Variants in GRIN2D observed in about 807,000 individuals in gnomAD.
GRIN2D encodes glutamate receptor ionotropic, NMDA 2D.
Under a neutral mutation model 103.2 loss-of-function variants are expected in GRIN2D, and 37 were observed. The observed-to-expected ratio is 0.36, with a 90% CI of 0.28 to 0.47. The LOEUF is 0.47. Among genes scored for constraint, GRIN2D ranks in the 20% least tolerant of loss-of-function variants. The pLI, the probability that GRIN2D is intolerant of heterozygous loss-of-function variation, is 1.00. For synonymous variants in GRIN2D, 845 were observed against 885.6 expected (o/e 0.95, Z 0.81); for missense variants, 1,557 against 1,910.6 (o/e 0.81, Z 3.45).
In GRIN2D at chr19:48,441,890, G is replaced by T. The variant is rs751472843; in HGVS notation, c.2374G>T (p.Ala792Ser). ...KVFATTGYGI[A>S]LHKGSRWKRP... is the part of the protein sequence containing the mutation. ...CTTCGCCACGACAGGCTATGGCATC[G>T]CCCTGCACAAGGGCTCCCGCTGGAA... Residue 792 changes from alanine to serine, a missense_variant, in exon 12 of 14, where the codon GCC becomes TCC. Transcript: ENST00000263269. 1 of 1,613,268 alleles carries T rather than the reference G, an allele frequency of 6.2e-7. No individual in the cohort carries two copies. The highest frequency in any genetic ancestry group is 1.1e-5 in the South Asian group (1 of 91,088).
rs548594116 is a variant in GRIN2D, at chr19:48,441,811, C to T, written c.2295C>T (p.Tyr765=). The change falls in exon 12 of 14, where the codon TAC becomes TAT. Residue 765 remains tyrosine, a synonymous_variant. Transcript: ENST00000263269. The stretch of plus-strand genomic sequence containing the variant: ...TCTACGATGCTGCAGTGCTCAATTA[C>T]ATGGCCCGCAAGGACGAGGGCTGCA... ...AFIYDAAVLN[Y]MARKDEGCKL... is the part of the protein sequence containing the mutation. The T allele has an allele frequency of 1.2e-6, 2 of 1,614,004 alleles. No individual in the cohort carries two copies. The highest frequency in any genetic ancestry group is 2.7e-5 in the African/African-American group (2 of 75,074).
At chr19:48,423,631 C>T (rs1310715654) in intron 11 of GRIN2D, among the ~76,000 whole-genome samples, 1 of 151,706 alleles carries the variant, frequency 6.6e-6, no homozygotes, top group Admixed American at 6.6e-5. Flanking sequence ...GAGGAAGGTG[C>T]AGTGTTGGTT....
At chr19:48,423,570 C>CT (rs550788643) in intron 11 of GRIN2D, among the ~76,000 whole-genome samples, 9 of 152,104 alleles carry the variant, frequency 5.9e-5, no homozygotes, top group African/African-American at 1.9e-4. Context: ...GCCAGGTGGA[C>CT]TTCCGGAAGC....
Position 48,395,737 on chromosome 19 carries a change from T to TG in GRIN2D, c.-27+808dup, listed in dbSNP as rs548565107. On this transcript the variant is annotated intron_variant, in intron 2 of 13. Transcript: ENST00000263269. The stretch of plus-strand genomic sequence containing the variant: ...GGTGACTAGGGAGGCCAGAGCTCGG[T>TG]GGGGGGGCACCCAGGATGTTGGGAA... 1.4e-3 allele frequency among the ~76,000 whole-genome samples: 216 copies of TG among 151,426 alleles called. 1 individual carries two copies. The highest frequency in any genetic ancestry group is 3.4e-3 in the Middle Eastern group (1 of 294).
chr19:48,415,425 A>G lies in GRIN2D; in HGVS notation c.1581+393A>G, dbSNP rs538877714. ...CACCCTGGGGCAGGGGCGCGGCCAAATTGAGGAAACACCTGATTGGGGCCT... is the reference window on the plus strand; with the variant it reads ...CACCCTGGGGCAGGGGCGCGGCCAAGTTGAGGAAACACCTGATTGGGGCCT... On this transcript the variant is annotated intron_variant, in intron 7 of 13. Coordinates refer to ENST00000263269, the MANE Select transcript of GRIN2D (RefSeq NM_000836.4). 1.1e-3 allele frequency among the ~76,000 whole-genome samples: 153 copies of G among 145,046 alleles called. 1 individual carries two copies. Among genetic ancestry groups the G allele is most frequent in the Middle Eastern group, 7.1e-3 (2 of 280 alleles).
At chr19:48,437,114 TTTTTGTTTTG>T (rs960581332) in intron 11 of GRIN2D, among the ~76,000 whole-genome samples, 3 of 152,096 alleles carry the variant, frequency 2.0e-5, no homozygotes, top group Non-Finnish European at 2.9e-5. Context: ...GGCTGAGGTC[TTTTTGTTTTG>T]TTTTGTTTTG....
At chr19:48,420,451 C>G (rs1971008527) in intron 10 of GRIN2D, among the ~76,000 whole-genome samples, 1 of 152,052 alleles carries the variant, frequency 6.6e-6, no homozygotes, top group African/African-American at 2.4e-5. Flanking sequence ...ACTGCTAGTC[C>G]ATTGCAGACA....
In GRIN2D at chr19:48,429,461, G is replaced by A. The variant is rs184921797; in HGVS notation, c.2252+7516G>A. Among the ~76,000 whole-genome samples the A allele has an allele frequency of 7.1e-4, 108 of 152,106 alleles. 1 individual carries two copies. The highest frequency in any genetic ancestry group is 2.3e-3 in the African/African-American group (97 of 41,488). ...GTCACCCAGGCTGGAGTGCAGTGGC[G>A]TGATCTTGGCTCACTGCAACCTCTG... On this transcript the variant is annotated intron_variant, in intron 11 of 13. Transcript: ENST00000263269.
intron 11 of GRIN2D, among the ~76,000 whole-genome samples, chr19:48,433,083 G>T (rs1228223202): frequency 7.5e-6 from 1 of 132,532 alleles, no homozygotes; most frequent in Non-Finnish European, 1.6e-5. Flanking sequence ...GACACCACCT[G>T]CAATACAGGT....
chr19:48,423,880 G>A (rs1365261831), intron 11 of GRIN2D, among the ~76,000 whole-genome samples: 5 of 151,542 alleles, frequency 3.3e-5, no homozygotes, highest in Admixed American at 1.3e-4. Context: ...GCAGTAGTTC[G>A]ATCTCAGCTC....
chr19:48,442,377 T>C lies in GRIN2D; in HGVS notation c.2668T>C (p.Ser890Pro). 1 of 1,609,378 alleles carries C rather than the reference T, an allele frequency of 6.2e-7. No homozygotes were observed. Among genetic ancestry groups the C allele is most frequent in the East Asian group, 2.2e-5 (1 of 44,804 alleles). ...CCGCATGGACTTCCTGCTGGCCTTC[T>C]CCAGGGTATGGGGCAGAGAGGGAGG... Reference protein sequence around the residue: ...THRMDFLLAFSRGMYSCCSAE... With the variant: ...THRMDFLLAFPRGMYSCCSAE... The change falls in exon 13 of 14, where the codon TCC (serine) becomes CCC (proline). Residue 890 changes from serine to proline, a missense_variant. Physicochemically the swap from Ser to Pro is moderately conservative, Grantham distance 74. Around this residue, in one of 7 missense-constraint regions of GRIN2D, gnomAD observed 632 missense variants for 572.8 expected, o/e 1.10. Transcript: ENST00000263269. The surrounding 1 kb of genome is among the most constrained non-coding windows in gnomAD (Gnocchi z 7.2).
In GRIN2D at chr19:48,405,426, G is replaced by A. The variant is rs1219857225; in HGVS notation, c.1085+73G>A. The A allele has an allele frequency of 1.1e-5, 16 of 1,400,884 alleles. No individual in the cohort carries two copies. The Admixed American group carries it at 3.3e-4, about 29-fold the overall frequency. 86.8% of individuals were successfully genotyped at this position (1,400,884 alleles called of 1,614,324 possible). ...AACTACCTCAGTATTCACTGAATGA[G>A]TGGCTCAAATGGGCCACATCTGCTC... On this transcript the variant is annotated intron_variant, in intron 4 of 13. Transcript: ENST00000263269. This position sits in a 1 kb window ranked among gnomAD's most constrained non-coding sequence, Gnocchi z 5.1.
At chr19:48,397,639 G>A (rs958455628) in intron 2 of GRIN2D, among the ~76,000 whole-genome samples, 1 of 151,250 alleles carries the variant, frequency 6.6e-6, no homozygotes, top group Non-Finnish European at 1.5e-5. Flanking sequence ...ATCTCTTCCC[G>A]CCTCTATCAT....
Position 48,394,259 on chromosome 19 carries a change from TGCGTGTGTG to T in GRIN2D, c.-306+392_-305-390del, listed in dbSNP as rs1970604368. On this transcript the variant is annotated intron_variant, in intron 1 of 13. Coordinates refer to ENST00000263269, the MANE Select transcript of GRIN2D (RefSeq NM_000836.4). This position sits in a 1 kb window ranked among gnomAD's most constrained non-coding sequence, Gnocchi z 5.1. ...GGGGAATCCCAGGGAAGTGAGATCG[TGCGTGTGTG>T]CGTGAGTGTATGTGTGTTTCTGCCT... Among the ~76,000 whole-genome samples the T allele has an allele frequency of 2.0e-5, 3 of 151,678 alleles. No homozygotes were observed. Among genetic ancestry groups the T allele is most frequent in the Admixed American group, 6.6e-5 (1 of 15,212 alleles).
chr19:48,420,345 G>A (rs1005930285), intron 10 of GRIN2D, among the ~76,000 whole-genome samples: 22 of 149,286 alleles, frequency 1.5e-4, no homozygotes, highest in African/African-American at 5.2e-4. Flanking sequence ...GGAGAATGGC[G>A]TGAACCCAGG....
intron 11 of GRIN2D, among the ~76,000 whole-genome samples, chr19:48,440,843 C>T (rs937484826): frequency 2.0e-5 from 3 of 152,154 alleles, no homozygotes; most frequent in East Asian, 3.9e-4. Flanking sequence ...CCTGCCACCA[C>T]ACCTGGCTAA....
At chr19:48,415,080 G>A (rs374685900) in intron 7 of GRIN2D, 48 bp downstream of exon 7, 157 of 1,507,278 alleles carry the variant, frequency 1.0e-4, no homozygotes, top group Non-Finnish European at 1.3e-4. Context: ...GGAGTCGAGA[G>A]GCGGGCACAG....
intron 11 of GRIN2D, among the ~76,000 whole-genome samples, chr19:48,427,690 G>C (rs1971104703): frequency 6.6e-6 from 1 of 151,620 alleles, no homozygotes. Flanking sequence ...TCTTGGCCAG[G>C]TTGATCCACC....
chr19:48,433,606 T>C (rs953901298), intron 11 of GRIN2D, among the ~76,000 whole-genome samples: 3 of 152,118 alleles, frequency 2.0e-5, no homozygotes, highest in Admixed American at 2.0e-4. Context: ...TAAAAAGAAA[T>C]AGAGAAACAC....
Sources: gnomAD v4.1 joint callset for allele counts (sites outside exome capture counted in the v4.1 genomes callset) on GRCh38, gnomAD v4.1.1 for gene constraint, gnomAD v4.1.1 regional missense constraint, Gnocchi (gnomAD v3.1) non-coding constraint, MANE v1.5 for transcripts, NCBI Gene and HGNC (gene_info 2026-07-23, HGNC 2026-07-21) for gene names.